COX18: variants seen among roughly 807,000 people sequenced by gnomAD.
COX18 encodes cytochrome c oxidase assembly factor COX18, also known as cytochrome c oxidase assembly protein COX18, mitochondrial.
A neutral mutation model predicts 38.0 loss-of-function variants in COX18; 45 were observed. That is an observed-to-expected ratio of 1.18 (90% CI 0.93 to 1.52). COX18 has a LOEUF of 1.52. COX18 is among the 40% of genes most tolerant of loss of function. The pLI is 0.00. For synonymous variants in COX18, 177 were observed against 169.8 expected, an observed-to-expected ratio of 1.04 and a Z score of -0.33; for missense variants, 462 against 423.8, an observed-to-expected ratio of 1.09 and a Z score of -0.79.
intron 2 of COX18, among the ~76,000 whole-genome samples, chr4:73,066,881 G>A (rs1352104897): frequency 6.6e-6 from 1 of 151,944 alleles, no homozygotes; most frequent in Non-Finnish European, 1.5e-5. Flanking sequence ...AAGATAGTTG[G>A]GAAATGTACA....
chr4:73,067,864 A>AAAAAATAAATATATAT, intron 2 of COX18, among the ~76,000 whole-genome samples, 165 bp downstream of exon 2: 2 of 20,010 alleles, frequency 1.0e-4, no homozygotes, highest in Non-Finnish European at 3.1e-4. Flanking sequence ...AAAAAAAAAA[A>AAAAAATAAATATATAT]ATATATATAT....
chr4:73,053,041 A>AGT lies in COX18; in HGVS notation c.*5072_*5073insAC, dbSNP rs1719784901. The AGT allele has an allele frequency of 8.4e-6, 1 of 119,336 alleles. No individual in the cohort carries two copies. The highest frequency in any genetic ancestry group is 9.3e-5 in the Admixed American group (1 of 10,766). 7.4% of individuals were successfully genotyped at this position (119,336 alleles called of 1,614,324 possible). ...CAAAATATAAGCAGATTATGCGTCC[A>AGT]ATAAAAAAAAAATAGGAACAAAACA... On this transcript the variant is annotated 3_prime_UTR_variant, in exon 6 of 6. Transcript: ENST00000507544.
At chr4:73,059,600 C>A (rs918756077) in intron 5 of COX18, among the ~76,000 whole-genome samples, 3 of 152,144 alleles carry the variant, frequency 2.0e-5, no homozygotes, top group African/African-American at 7.2e-5. Flanking sequence ...AGCTAAGTGA[C>A]CTTGGATGAG....
At position 73,061,910 on chromosome 4, in the gene COX18, A is replaced by T; in HGVS notation, c.734T>A (p.Leu245Gln). 6.3e-7 allele frequency: 1 copy of T among 1,596,828 alleles called. No homozygotes were observed. The highest frequency in any genetic ancestry group is 8.6e-7 in the Non-Finnish European group (1 of 1,164,660). Residue 245 changes from leucine (L) to glutamine (Q), a missense_variant, in exon 5 of 6, where the codon CTA becomes CAA. Coordinates refer to ENST00000507544, the MANE Select transcript of COX18 (RefSeq NM_001297732.2). ...AAAACGAGACATTCCAATTTTTTGT[A>T]GAGCACAAATCTGAAGGGGTAGAAC... is the stretch of plus-strand genomic sequence containing the variant. ...INLLIVEICA[L>Q]QKIGMSRFQT...
intron 4 of COX18, among the ~76,000 whole-genome samples, chr4:73,063,388 A>G (rs556803686): frequency 7.2e-5 from 11 of 152,148 alleles, no homozygotes; most frequent in Non-Finnish European, 1.6e-4. Flanking sequence ...GCTTTTAATA[A>G]GCTTTTATTT....
At chr4:73,065,097 T>G (rs1397554253) in intron 3 of COX18, among the ~76,000 whole-genome samples, 153 bp downstream of exon 3, 1 of 152,062 alleles carries the variant, frequency 6.6e-6, no homozygotes, top group Non-Finnish European at 1.5e-5. Flanking sequence ...ACAACCAATC[T>G]GTTTACACTT....
chr4:73,059,026 A>G (rs1282613073), intron 5 of COX18, among the ~76,000 whole-genome samples: 1 of 152,182 alleles, frequency 6.6e-6, no homozygotes, highest in East Asian at 1.9e-4. Context: ...ATCTGACAGG[A>G]GGTGGAGCTC....
rs1382112715 is a variant in COX18, at chr4:73,057,106, G to GC, written c.*1007_*1008insG. 2 of 149,896 alleles carry GC rather than the reference G, an allele frequency of 1.3e-5. No homozygotes were observed. Among genetic ancestry groups the GC allele is most frequent in the African/African-American group, 4.9e-5 (2 of 40,572 alleles). 9.3% of individuals were successfully genotyped at this position (149,896 alleles called of 1,614,324 possible). A position where few individuals can be genotyped will look rare whatever the true frequency, so the allele number is the denominator to read the frequency against. On this transcript the variant is annotated 3_prime_UTR_variant, in exon 6 of 6. Coordinates refer to ENST00000507544, the MANE Select transcript of COX18 (RefSeq NM_001297732.2). ...ACTGCACTCCAGCCTAGGTGACAGA[G>GC]AGAGACTCTGTCTCATTAAAAAAAT...
chr4:73,069,095 G>T (rs1343910104), intron 1 of COX18, among the ~76,000 whole-genome samples: 2 of 152,160 alleles, frequency 1.3e-5, no homozygotes, highest in East Asian at 3.8e-4. Flanking sequence ...TAAGACAAAA[G>T]AAATGACAGG....
chr4:73,066,447 G>T (rs1288643163), intron 2 of COX18, among the ~76,000 whole-genome samples: 1 of 152,144 alleles, frequency 6.6e-6, no homozygotes, highest in Non-Finnish European at 1.5e-5. Context: ...CAGCTACTTG[G>T]GAGGCCAAAG....
In COX18 at chr4:73,061,707, CAAAAAAAAAA is replaced by C. The variant is rs35931617; in HGVS notation, c.831+96_831+105del. The C allele has an allele frequency of 1.9e-5, 7 of 374,558 alleles. No individual in the cohort carries two copies. The East Asian group carries it at 2.4e-4, about 13-fold the overall frequency. 23.2% of individuals were successfully genotyped at this position (374,558 alleles called of 1,614,324 possible). The stretch of plus-strand genomic sequence containing the variant: ...TGGGTGACAGAGCGAGACTCCGTCT[CAAAAAAAAAA>C]AAAAAAAAAAAAAGAAGAGGCAGGA... On this transcript the variant is annotated intron_variant, in intron 5 of 5. Coordinates refer to ENST00000507544, the MANE Select transcript of COX18 (RefSeq NM_001297732.2).
At chr4:73,065,195 T>A in intron 3 of COX18, 55 bp downstream of exon 3, 1 of 1,241,504 alleles carries the variant, frequency 8.1e-7, no homozygotes, top group East Asian at 2.4e-5. Context: ...TTTTTTTTTT[T>A]TAGTACAAAG....
Position 73,058,081 on chromosome 4 carries a change from C to T in COX18, c.*33G>A. 7.0e-7 allele frequency: 1 copy of T among 1,423,486 alleles called. No homozygotes were observed. The highest frequency in any genetic ancestry group is 9.7e-7 in the Non-Finnish European group (1 of 1,027,646). 88.2% of individuals were successfully genotyped at this position (1,423,486 alleles called of 1,614,324 possible). ...TAAATACATTTAGATGATAGTGACT[C>T]CTGCAACTGTTTCAAAATTATTGGA... is the stretch of plus-strand genomic sequence containing the variant. On this transcript the variant is annotated 3_prime_UTR_variant, in exon 6 of 6. Coordinates refer to ENST00000507544, the MANE Select transcript of COX18 (RefSeq NM_001297732.2).
At chr4:73,061,965 A>C (rs771211192) in intron 4 of COX18, 45 bp from the exon 5 acceptor site, 1 of 987,136 alleles carries the variant, frequency 1.0e-6, no homozygotes, top group South Asian at 1.4e-5. Flanking sequence ...ATTAAAACGC[A>C]TATTAAATCA....
At position 73,053,570 on chromosome 4, in the gene COX18, T is replaced by G. The variant is rs1719799335; in HGVS notation, c.*4544A>C. ...CTGCCATTAAAAGTCTTGCTTCCAC[T>G]GTTCTTCAGGTCTCCAAGTCTGTTC... On this transcript the variant is annotated 3_prime_UTR_variant, in exon 6 of 6. Coordinates refer to ENST00000507544, the MANE Select transcript of COX18 (RefSeq NM_001297732.2). The G allele has an allele frequency of 6.6e-6, 1 of 152,214 alleles. No homozygotes were observed. The highest frequency in any genetic ancestry group is 6.5e-5 in the Admixed American group (1 of 15,274). The allele number at this position is 152,214 out of a possible 1,614,324, so 9.4% of individuals were successfully genotyped here. A position where few individuals can be genotyped will look rare whatever the true frequency, so the allele number is the denominator to read the frequency against.
At position 73,056,469 on chromosome 4, in the gene COX18, C is replaced by A. The variant is rs1719889033; in HGVS notation, c.*1645G>T. 6.6e-6 allele frequency: 1 copy of A among 152,346 alleles called. No individual in the cohort carries two copies. Among genetic ancestry groups the A allele is most frequent in the Middle Eastern group, 3.4e-3 (1 of 294 alleles). The allele number at this position is 152,346 out of a possible 1,614,324, so 9.4% of individuals were successfully genotyped here. A position where few individuals can be genotyped will look rare whatever the true frequency, so the allele number is the denominator to read the frequency against. On this transcript the variant is annotated 3_prime_UTR_variant, in exon 6 of 6. Coordinates refer to ENST00000507544, the MANE Select transcript of COX18 (RefSeq NM_001297732.2). ...GGTGCTAGCAGTACACAGTGTTACA[C>A]TCTGTATTCCAGACTTCTTAAATTA...
chr4:73,067,864 A>AAAAAAAAATAAATAT, intron 2 of COX18, among the ~76,000 whole-genome samples, 165 bp downstream of exon 2: 1 of 20,010 alleles, frequency 5.0e-5, no homozygotes, highest in Admixed American at 1.2e-3. Flanking sequence ...AAAAAAAAAA[A>AAAAAAAAATAAATAT]ATATATATAT....
intron 4 of COX18, 89 bp from the exon 5 acceptor site, chr4:73,062,009 G>A: frequency 1.9e-6 from 1 of 520,296 alleles, no homozygotes; most frequent in South Asian, 3.0e-5. Flanking sequence ...ATTTTTCACT[G>A]GCCTCCATCT....
chr4:73,069,244 C>G, intron 1 of COX18, 73 bp downstream of exon 1: 1 of 1,147,376 alleles, frequency 8.7e-7, no homozygotes, highest in Non-Finnish European at 1.2e-6. Context: ...ATCGAAAACC[C>G]TGAGTGAATG....
Sources: gnomAD v4.1 joint callset for allele counts (sites outside exome capture counted in the v4.1 genomes callset) on GRCh38, gnomAD v4.1.1 for gene constraint, MANE v1.5 for transcripts, NCBI Gene and HGNC (gene_info 2026-07-23, HGNC 2026-07-21) for gene names.